The following ERMP1 variants were observed in gnomAD, a reference collection of about 807,000 sequenced individuals.
ERMP1 encodes the protein endoplasmic reticulum metallopeptidase 1, also known as Felix-ina.
ERMP1 carries 86 observed loss-of-function variants against 92.0 expected under a neutral mutation model. That is an observed-to-expected ratio of 0.93 (90% CI 0.79 to 1.12). ERMP1 has a LOEUF of 1.12. ERMP1 is among the 50% of genes most tolerant of loss of function. ERMP1 has a pLI of 0.00. For synonymous variants in ERMP1, 530 were observed against 412.8 expected (o/e 1.28, Z -3.44); for missense variants, 1,342 against 1,116.3 (o/e 1.20, Z -2.88).
At chr9:5,813,104 A>G (rs919099828) in intron 4 of ERMP1, 69 bp from the exon 5 acceptor site, 2 of 1,545,230 alleles carry the variant, frequency 1.3e-6, no homozygotes, top group African/African-American at 2.7e-5. Context: ...AATGTTTTTC[A>G]ACACATAGAA....
intron 6 of ERMP1, among the ~76,000 whole-genome samples, chr9:5,849,935 G>T (rs553382490): frequency 6.6e-6 from 1 of 152,150 alleles, no homozygotes; most frequent in Non-Finnish European, 1.5e-5. Flanking sequence ...AAGCAGACTC[G>T]AAATTAATGA....
At position 5,860,916 on chromosome 9, in the gene ERMP1, T is replaced by A. The variant is rs185181381; in HGVS notation, n.3056-1305A>T. Among the ~76,000 whole-genome samples the A allele has an allele frequency of 1.2e-4, 19 of 152,224 alleles. 1 individual carries two copies. The East Asian group carries it at 3.3e-3, about 26-fold the overall frequency. On this transcript the variant is annotated intron_variant and non_coding_transcript_variant, in intron 5 of 6. Coordinates refer to the ERMP1 transcript ENST00000690753. ...TCATTTCACTGTCCCACCTCCACCC[T>A]CTCTCACTCTCTCTCCTTCTGTCAT... is the stretch of plus-strand genomic sequence containing the variant.
intron 4 of ERMP1, among the ~76,000 whole-genome samples, chr9:5,822,946 T>C (rs996363214): frequency 1.2e-4 from 18 of 152,298 alleles, no homozygotes; most frequent in Admixed American, 2.6e-4. Context: ...TAGGCATAAA[T>C]AGGCTAAGTT....
intron 3 of ERMP1, among the ~76,000 whole-genome samples, 154 bp downstream of exon 3, chr9:5,824,938 T>A (rs1289441580): frequency 6.6e-6 from 1 of 152,224 alleles, no homozygotes; most frequent in Admixed American, 6.5e-5. Context: ...GTGAATTTGT[T>A]AAAGTACTGC....
At position 5,845,278 on chromosome 9, in the gene ERMP1, T is replaced by C. The variant is rs1378500149; in HGVS notation, n.3200-11966A>G. Among the ~76,000 whole-genome samples the C allele has an allele frequency of 5.3e-5, 8 of 152,160 alleles. No individual in the cohort carries two copies. In the East Asian group the frequency reaches 1.5e-3, roughly 29 times the overall value. ...TTATCTGTGCTCTTAAAAGGAAGTTTCTTGTCAGGTGTTTTTGCTTGTGCC... is the reference window on the plus strand; with the variant it reads ...TTATCTGTGCTCTTAAAAGGAAGTTCCTTGTCAGGTGTTTTTGCTTGTGCC... On this transcript the variant is annotated intron_variant and non_coding_transcript_variant, in intron 6 of 6. Coordinates refer to the ERMP1 transcript ENST00000690753.
At chr9:5,832,575 G>T in intron 1 of ERMP1, 115 bp downstream of exon 1, 2 of 828,208 alleles carry the variant, frequency 2.4e-6, no homozygotes, top group Non-Finnish European at 3.4e-6. Context: ...CCTGGGAGGG[G>T]TCAGCGAGTC....
Position 5,805,710 on chromosome 9 carries a change from G to T in ERMP1, c.1624C>A (p.Leu542Ile). 1 of 1,613,502 alleles carries T rather than the reference G, an allele frequency of 6.2e-7. No individual in the cohort carries two copies. The highest frequency in any genetic ancestry group is 8.5e-7 in the Non-Finnish European group (1 of 1,179,784). Residue 542 changes from leucine (L) to isoleucine (I), a missense_variant, in exon 9 of 15, where the codon CTC (leucine) becomes ATC (isoleucine). By Grantham distance (5) the Leu-to-Ile change is conservative. Coordinates refer to ENST00000339450, the MANE Select transcript of ERMP1 (RefSeq NM_024896.3). ...GCCGAGCAAAGTCCTTGGTAAGTGAGGGTAACAAGAAAACAGCAATGGACA... is the reference window on the plus strand; with the variant it reads ...GCCGAGCAAAGTCCTTGGTAAGTGATGGTAACAAGAAAACAGCAATGGACA... ...LFVHCCFLVT[L>I]TYQGLCSAFI...
chr9:5,812,403 C>T (rs1192244030), intron 5 of ERMP1, among the ~76,000 whole-genome samples, 186 bp from the exon 6 acceptor site: 1 of 152,106 alleles, frequency 6.6e-6, no homozygotes, highest in African/African-American at 2.4e-5. Context: ...AGCTTTGGTA[C>T]ATAATTCGAT....
chr9:5,836,056 G>A (rs1429932348), upstream of ERMP1, among the ~76,000 whole-genome samples: 1 of 152,202 alleles, frequency 6.6e-6, no homozygotes, highest in Non-Finnish European at 1.5e-5. Context: ...AGTTATGCTT[G>A]TGTCTCCCTT....
At chr9:5,804,657 T>C (rs1308540458) in intron 10 of ERMP1, among the ~76,000 whole-genome samples, 1 of 152,182 alleles carries the variant, frequency 6.6e-6, no homozygotes, top group African/African-American at 2.4e-5. Flanking sequence ...TCTATTAACA[T>C]GTGCCTCTAA....
chr9:5,839,008 T>G (rs1830125761), intron 6 of ERMP1, among the ~76,000 whole-genome samples: 1 of 152,220 alleles, frequency 6.6e-6, no homozygotes, highest in African/African-American at 2.4e-5. Flanking sequence ...CCAGCAACCC[T>G]GTGCCTAGGA....
chr9:5,801,372 T>C lies in ERMP1; in HGVS notation c.1915-44A>G, dbSNP rs1182580855. ...ACACAGAAATATTACAAATTCATTC[T>C]AGTGGTGGAAAGGTGTTTTTAACTA... is the stretch of plus-strand genomic sequence containing the variant. On this transcript the variant is annotated intron_variant, in intron 10 of 14. Coordinates refer to ENST00000339450, the MANE Select transcript of ERMP1 (RefSeq NM_024896.3). 2.5e-6 allele frequency: 4 copies of C among 1,579,392 alleles called. No individual in the cohort carries two copies. In the African/African-American group the frequency reaches 4.1e-5, roughly 16 times the overall value.
intron 4 of ERMP1, among the ~76,000 whole-genome samples, chr9:5,821,723 G>A (rs997761455): frequency 1.3e-5 from 2 of 152,338 alleles, no homozygotes; most frequent in Middle Eastern, 6.8e-3. Context: ...GATAGGAGCA[G>A]TATAGGGGCA....
chr9:5,804,978 A>G lies in ERMP1; in HGVS notation c.1914+49T>C, dbSNP rs567087197. On this transcript the variant is annotated intron_variant, in intron 10 of 14. Transcript: ENST00000339450. ...CACAGAATCTAGTATGGCTAAATTC[A>G]TATTCATATAAAAAATGAAGAAAAA... The G allele has an allele frequency of 1.6e-5, 23 of 1,400,802 alleles. No homozygotes were observed. The East Asian group carries it at 3.6e-4, about 22-fold the overall frequency. 86.8% of individuals were successfully genotyped at this position (1,400,802 alleles called of 1,614,324 possible). A position where few individuals can be genotyped will look rare whatever the true frequency, so the allele number is the denominator to read the frequency against.
At chr9:5,843,982 C>G (rs776543403) in intron 6 of ERMP1, among the ~76,000 whole-genome samples, 8 of 152,148 alleles carry the variant, frequency 5.3e-5, no homozygotes, top group Admixed American at 4.6e-4. Flanking sequence ...TCCTCCACCC[C>G]CTGGCCAATA....
intron 13 of ERMP1, among the ~76,000 whole-genome samples, chr9:5,797,567 G>C (rs1828481418): frequency 6.6e-6 from 1 of 151,182 alleles, no homozygotes; most frequent in South Asian, 2.1e-4. Flanking sequence ...AGAATCACTT[G>C]AACCCAGGAG....
At chr9:5,800,491 C>T (rs961729556) in intron 11 of ERMP1, among the ~76,000 whole-genome samples, 3 of 152,082 alleles carry the variant, frequency 2.0e-5, no homozygotes, top group East Asian at 1.9e-4. Context: ...GCCTGGCCAA[C>T]GTAGTGAAAC....
At chr9:5,826,635 GGTTT>G (rs1829740580) in intron 2 of ERMP1, among the ~76,000 whole-genome samples, 1 of 151,744 alleles carries the variant, frequency 6.6e-6, no homozygotes, top group African/African-American at 2.4e-5. Flanking sequence ...GGTGATTACT[GGTTT>G]GTATTTCAAT....
At chr9:5,845,759 C>G (rs1830226812) in intron 6 of ERMP1, among the ~76,000 whole-genome samples, 1 of 152,196 alleles carries the variant, frequency 6.6e-6, no homozygotes, top group Non-Finnish European at 1.5e-5. Flanking sequence ...CTCAGGAGAG[C>G]ACGCCTTGCT....
Sources: allele counts gnomAD v4.1 joint callset (sites outside exome capture counted in the v4.1 genomes callset), GRCh38; gene constraint gnomAD v4.1.1; transcripts MANE v1.5; gene names NCBI Gene and HGNC (gene_info 2026-07-23, HGNC 2026-07-21).